The following CHD7 variants were observed in gnomAD, a reference collection of about 807,000 sequenced individuals.
CHD7 encodes the protein ATP-dependent chromatin remodeler CHD7.
Under a neutral mutation model 307.3 loss-of-function variants are expected in CHD7, and 24 were observed. The ratio of observed to expected loss-of-function variants is 0.08; its 90% confidence interval spans 0.06 to 0.11. The LOEUF (loss-of-function observed/expected upper bound fraction) is 0.11. Ranked by LOEUF, CHD7 falls within the 10% of genes least tolerant of loss-of-function variation. CHD7 has a pLI of 1.00. For missense variants in CHD7, 3,106 were observed against 3,727.1 expected (o/e 0.83, Z 4.34); for synonymous variants, 1,363 against 1,349.9 (o/e 1.01, Z -0.21).
At position 60,730,447 on chromosome 8, in the gene CHD7, C is replaced by T. The variant is rs140872462; in HGVS notation, c.-174-10812C>T. On this transcript the variant is annotated intron_variant, in intron 1 of 37. Coordinates refer to ENST00000423902, the MANE Select transcript of CHD7 (RefSeq NM_017780.4). ...GATTATGGTGGCATTGTAGAACCTA[C>T]TTGCATTAATGATAAATGTAGGTAC... 4.7e-4 allele frequency among the ~76,000 whole-genome samples: 72 copies of T among 152,320 alleles called. No homozygotes were observed. The East Asian group carries it at 9.8e-3, about 21-fold the overall frequency.
At chr8:60,717,554 T>C (rs1224400556) in intron 1 of CHD7, among the ~76,000 whole-genome samples, 1 of 152,210 alleles carries the variant, frequency 6.6e-6, no homozygotes, top group Non-Finnish European at 1.5e-5. Flanking sequence ...TTAAACCTTA[T>C]GGGTGTAGGG....
chr8:60,684,542 G>A (rs1217607428), intron 1 of CHD7, among the ~76,000 whole-genome samples: 1 of 146,750 alleles, frequency 6.8e-6, no homozygotes, highest in Non-Finnish European at 1.5e-5. Context: ...CCGTCAGTTG[G>A]GTGGGGTATT....
At chr8:60,802,857 CA>C (rs1812375756) in intron 6 of CHD7, among the ~76,000 whole-genome samples, 1 of 152,186 alleles carries the variant, frequency 6.6e-6, no homozygotes, top group Non-Finnish European at 1.5e-5. Flanking sequence ...ACTTTCATTT[CA>C]TTAGTTTGTT....
intron 1 of CHD7, among the ~76,000 whole-genome samples, chr8:60,710,025 T>TATAATACA (rs1807203306): frequency 1.3e-5 from 2 of 152,086 alleles, no homozygotes; most frequent in Non-Finnish European, 2.9e-5. Context: ...TAGTATTGCT[T>TATAATACA]ATAATACAAA....
At chr8:60,770,674 T>A (rs1810665616) in intron 2 of CHD7, among the ~76,000 whole-genome samples, 1 of 152,244 alleles carries the variant, frequency 6.6e-6, no homozygotes, top group African/African-American at 2.4e-5. Context: ...TTTTTTTTCT[T>A]TTTTAATCTC....
At chr8:60,831,331 A>T (rs1185170288) in intron 15 of CHD7, among the ~76,000 whole-genome samples, 1 of 152,150 alleles carries the variant, frequency 6.6e-6, no homozygotes. Flanking sequence ...CTGCAGGGGT[A>T]GAAAGGATTT....
chr8:60,779,118 T>G (rs577216976), intron 2 of CHD7, among the ~76,000 whole-genome samples: 15 of 152,384 alleles, frequency 9.8e-5, no homozygotes, highest in African/African-American at 3.4e-4. Context: ...TTTTAAGATT[T>G]TTTAATGCCA....
intron 1 of CHD7, among the ~76,000 whole-genome samples, chr8:60,712,536 A>G (rs1389107901): frequency 6.6e-6 from 1 of 152,120 alleles, no homozygotes; most frequent in Non-Finnish European, 1.5e-5. Flanking sequence ...TCACATTCTC[A>G]CTGGTGTTTC....
chr8:60,680,573 C>CCCGG (rs1411916704), intron 1 of CHD7, among the ~76,000 whole-genome samples: 1 of 152,164 alleles, frequency 6.6e-6, no homozygotes, highest in African/African-American at 2.4e-5. Flanking sequence ...ACCCCAAACT[C>CCCGG]CCGGCCGGCC....
At chr8:60,733,190 T>G (rs1274308114) in intron 1 of CHD7, among the ~76,000 whole-genome samples, 5 of 151,930 alleles carry the variant, frequency 3.3e-5, no homozygotes, top group Non-Finnish European at 7.4e-5. Flanking sequence ...GAGCTATGAT[T>G]GTGCCACTGC....
chr8:60,737,509 A>C (rs967490460), intron 1 of CHD7, among the ~76,000 whole-genome samples: 4 of 152,214 alleles, frequency 2.6e-5, no homozygotes, highest in Non-Finnish European at 2.9e-5. Flanking sequence ...GAAGGTCTTC[A>C]GAGTGCTTCC....
intron 1 of CHD7, 35 bp downstream of exon 1, chr8:60,679,117 GGGC>G (rs757833708): frequency 6.1e-4 from 95 of 155,600 alleles, no homozygotes; most frequent in Middle Eastern, 3.4e-3. Context: ...CCCCCGGGAG[GGGC>G]GGCGGCGGCG....
At chr8:60,758,414 G>A (rs1350272068) in intron 2 of CHD7, among the ~76,000 whole-genome samples, 1 of 152,144 alleles carries the variant, frequency 6.6e-6, no homozygotes, top group Non-Finnish European at 1.5e-5. Flanking sequence ...ATGAGCCACT[G>A]CACCCAGTCT....
At chr8:60,832,038 T>A (rs908337908) in intron 15 of CHD7, among the ~76,000 whole-genome samples, 25 of 152,204 alleles carry the variant, frequency 1.6e-4, no homozygotes, top group African/African-American at 5.8e-4. Flanking sequence ...TTTTTTTTTC[T>A]TGAGATAGGT....
At chr8:60,759,421 C>G (rs941878359) in intron 2 of CHD7, among the ~76,000 whole-genome samples, 1 of 151,538 alleles carries the variant, frequency 6.6e-6, no homozygotes, top group Non-Finnish European at 1.5e-5. Context: ...CCCTTTCTCC[C>G]TCTCCCTCTC....
At chr8:60,821,599 CAT>C (rs1444319992) in intron 9 of CHD7, among the ~76,000 whole-genome samples, 189 bp from the exon 10 acceptor site, 1 of 149,736 alleles carries the variant, frequency 6.7e-6, no homozygotes, top group Non-Finnish European at 1.5e-5. Context: ...TATATACACA[CAT>C]ACATATGTAT....
intron 29 of CHD7, 62 bp downstream of exon 29, chr8:60,852,309 G>GACCC: frequency 2.1e-6 from 3 of 1,458,000 alleles, no homozygotes; most frequent in South Asian, 2.5e-5. Context: ...TGCTCCTGTA[G>GACCC]ACCCACAAGA....
chr8:60,713,937 A>C (rs1223215932), intron 1 of CHD7, among the ~76,000 whole-genome samples: 1 of 152,006 alleles, frequency 6.6e-6, no homozygotes, highest in Non-Finnish European at 1.5e-5. Flanking sequence ...CCCACTCCCA[A>C]TCCCCGTTTT....
intron 1 of CHD7, among the ~76,000 whole-genome samples, chr8:60,706,461 C>A (rs187769524): frequency 3.6e-4 from 55 of 152,208 alleles, no homozygotes; most frequent in Non-Finnish European, 5.6e-4. Flanking sequence ...TATCCTGGAA[C>A]AATGTCTGAA....
Sources: gnomAD v4.1 joint callset for allele counts (sites outside exome capture counted in the v4.1 genomes callset) on GRCh38, gnomAD v4.1.1 for gene constraint, MANE v1.5 for transcripts, NCBI Gene and HGNC (gene_info 2026-07-23, HGNC 2026-07-21) for gene names.